The following RABGGTA variants were observed in gnomAD, a reference collection of about 807,000 sequenced individuals.
RABGGTA encodes geranylgeranyl transferase type-2 subunit alpha.
In RABGGTA, 69 loss-of-function variants were observed where a neutral mutation model predicts 83.3. The observed-to-expected ratio is 0.83, with a 90% CI of 0.68 to 1.01. The LOEUF is 1.01. Among genes scored for constraint, RABGGTA ranks in the 50% least tolerant of loss-of-function variants. The pLI, the probability that RABGGTA is intolerant of heterozygous loss-of-function variation, is 0.00. For synonymous variants in RABGGTA, 310 were observed against 299.8 expected, an observed-to-expected ratio of 1.03 and a Z score of -0.35; for missense variants, 681 against 712.7, an observed-to-expected ratio of 0.96 and a Z score of 0.51.
chr14:24,268,051 C>G (rs1481458497), intron 12 of RABGGTA, 59 bp downstream of exon 12: 1 of 1,606,490 alleles, frequency 6.2e-7, no homozygotes, highest in Non-Finnish European at 8.5e-7. Flanking sequence ...CAGGGCCACA[C>G]TGGAAAGGGG....
chr14:24,265,754 T>C lies in RABGGTA; in HGVS notation c.1565A>G (p.Gln522Arg), dbSNP rs1338504515. The C allele has an allele frequency of 1.2e-6, 2 of 1,608,548 alleles. No homozygotes were observed. The highest frequency in any genetic ancestry group is 8.5e-7 in the Non-Finnish European group (1 of 1,177,716). Residue 522 changes from glutamine (Q) to arginine (R), a missense_variant, in exon 17 of 17, where the codon CAG becomes CGG. Around this residue, in one of 5 missense-constraint regions of RABGGTA, gnomAD observed 421 missense variants for 418.5 expected, o/e 1.01. Coordinates refer to ENST00000216840, the MANE Select transcript of RABGGTA (RefSeq NM_182836.3). ...GGCAAGAGGCTGGAGCACTGCAGGC[T>C]GCTGGAGGCCTTGTTCAGGAGAGTC... ...ELLLCNNRLQ[Q>R]PAVLQPLASC...
rs992089285 is a variant in RABGGTA, at chr14:24,270,268, C to T, written c.239+66G>A. On this transcript the variant is annotated intron_variant, in intron 4 of 16. Transcript: ENST00000216840. The stretch of plus-strand genomic sequence containing the variant: ...ACTGGCTGCCCCATTTCTCCTCCAC[C>T]CCTAGACCCAGGCAGTGCAGGCGCA... 5 of 1,594,016 alleles carry T rather than the reference C, an allele frequency of 3.1e-6. No homozygotes were observed. In the African/African-American group the frequency reaches 4.0e-5, roughly 13 times the overall value.
Position 24,271,094 on chromosome 14 carries a change from C to T in RABGGTA, c.3+19G>A. On this transcript the variant is annotated intron_variant, in intron 2 of 16. Transcript: ENST00000216840. ...GGCGCGGGCCTGCGGAGGTGAAGGG[C>T]TGGGCTCAGGGTTCTCACCATGGTG... 1 of 1,563,334 alleles carries T rather than the reference C, an allele frequency of 6.4e-7. No homozygotes were observed. The highest frequency in any genetic ancestry group is 8.7e-7 in the Non-Finnish European group (1 of 1,153,734).
Position 24,268,741 on chromosome 14 carries a change from C to G in RABGGTA, c.884G>C (p.Arg295Pro), listed in dbSNP as rs377451545. ...VEWRTPDGRN[R>P]PSHVWLCDLP... ...CTGGGATACCCAGACATGGCTGGGC[C>G]GGTTCCTGCCATCTGGGGTCCTCCA... is the stretch of plus-strand genomic sequence containing the variant. Residue 295 changes from arginine to proline, a missense_variant, in exon 9 of 17, where the codon CGG becomes CCG. This residue lies in a region of RABGGTA where 421 missense variants were observed against 418.5 expected (regional missense o/e 1.01). Coordinates refer to ENST00000216840, the MANE Select transcript of RABGGTA (RefSeq NM_182836.3). 6.3e-7 allele frequency: 1 copy of G among 1,590,812 alleles called. No individual in the cohort carries two copies.
chr14:24,266,945 G>A (rs2139037056), intron 14 of RABGGTA, 56 bp from the exon 15 acceptor site: 1 of 1,356,734 alleles, frequency 7.4e-7, no homozygotes, highest in Admixed American at 1.7e-5. Flanking sequence ...CTGGGAGAGG[G>A]TCCTCGGCCA....
Position 24,267,700 on chromosome 14 carries a change from A to C in RABGGTA, c.1313T>G (p.Met438Arg), listed in dbSNP as rs780931992. 2 of 1,611,988 alleles carry C rather than the reference A, an allele frequency of 1.2e-6. No homozygotes were observed. The highest frequency in any genetic ancestry group is 2.2e-5 in the South Asian group (2 of 90,996). Residue 438 changes from methionine (M) to arginine (R), a missense_variant, in exon 14 of 17, where the codon ATG becomes AGG. By Grantham distance (91) the Met-to-Arg change is moderately conservative. Transcript: ENST00000216840. ...CAGCACACGCACCTCGGCATACTCC[A>C]TCTTGAGCACGCTATTCTCCAGCAA... The part of the protein sequence containing the change: ...KFLLENSVLK[M>R]EYAEVRVLHL...
chr14:24,270,042 C>T lies in RABGGTA; in HGVS notation c.338G>A (p.Arg113Gln), dbSNP rs1247969880. The T allele has an allele frequency of 2.5e-6, 4 of 1,613,034 alleles. No individual in the cohort carries two copies. The highest frequency in any genetic ancestry group is 1.3e-5 in the African/African-American group (1 of 74,908). ...NPKSYGTWHH[R>Q]CWLLGRLPEP... ...AGGCAGGCGGCCTAGCAGCCAGCAT[C>T]GGTGGTGCCAGGTACCATAAGACTT... Residue 113 changes from arginine to glutamine, a missense_variant, in exon 5 of 17, where the codon CGA (arginine) becomes CAA (glutamine). Around this residue, in one of 5 missense-constraint regions of RABGGTA, gnomAD observed 12 missense variants for 32.0 expected, o/e 0.37. Coordinates refer to ENST00000216840, the MANE Select transcript of RABGGTA (RefSeq NM_182836.3).
Position 24,269,981 on chromosome 14 carries a change from G to A in RABGGTA, c.399C>T (p.Ala133=). The A allele has an allele frequency of 1.2e-6, 2 of 1,613,678 alleles. No homozygotes were observed. Among genetic ancestry groups the A allele is most frequent in the South Asian group, 1.1e-5 (1 of 91,026 alleles). ...PNWTRELELC[A]RFLEVDERNF... ...TCCGCTCATCCACCTCCAGGAAACG[G>A]GCACAGAGCTCCAGCTCTCGGGTCC... is the stretch of plus-strand genomic sequence containing the variant. Residue 133 remains alanine, a synonymous_variant, in exon 5 of 17, where the codon GCC becomes GCT. Coordinates refer to ENST00000216840, the MANE Select transcript of RABGGTA (RefSeq NM_182836.3).
In RABGGTA at chr14:24,267,715, T is replaced by C. The variant is rs2040891168; in HGVS notation, c.1298A>G (p.Asn433Ser). The change falls in exon 14 of 17, where the codon AAT becomes AGT. Residue 433 changes from asparagine (N) to serine (S), a missense_variant. Around this residue, in one of 5 missense-constraint regions of RABGGTA, gnomAD observed 421 missense variants for 418.5 expected, o/e 1.01. Coordinates refer to ENST00000216840, the MANE Select transcript of RABGGTA (RefSeq NM_182836.3). ...GGCATACTCCATCTTGAGCACGCTA[T>C]TCTCCAGCAAGAACTTGCTGCGCAG... ...DDLRSKFLLENSVLKMEYAEV... is the reference protein window; with the variant it reads ...DDLRSKFLLESSVLKMEYAEV... 6.2e-7 allele frequency: 1 copy of C among 1,612,058 alleles called. No individual in the cohort carries two copies. The highest frequency in any genetic ancestry group is 8.5e-7 in the Non-Finnish European group (1 of 1,179,834).
In RABGGTA at chr14:24,266,838, CA is replaced by C. The variant is rs1393325780; in HGVS notation, c.1404del (p.Asp469ThrfsTer30). 1 of 1,613,920 alleles carries C rather than the reference CA, an allele frequency of 6.2e-7. No homozygotes were observed. Among genetic ancestry groups the C allele is most frequent in the Admixed American group, 1.7e-5 (1 of 60,024 alleles). On this transcript the variant is annotated frameshift_variant, in exon 15 of 17. Coordinates refer to ENST00000216840, the MANE Select transcript of RABGGTA (RefSeq NM_182836.3). LOFTEE classifies it high-confidence loss of function. ...GTTCGGAGGCGATTGTGTGACAAGT[CA>C]AGATGGGTGACCAAGAGCAGCTGTT... Reference protein sequence around the residue: ...HLEQLLLVTHLDLSHNRLRTL... With the variant: ...HLEQLLLVTHXDLSHNRLRTL...
rs749392479 is a variant in RABGGTA, at chr14:24,266,891, T to TG, written c.1354-3dup. The TG allele has an allele frequency of 2.5e-6, 4 of 1,610,970 alleles. No homozygotes were observed. Among genetic ancestry groups the TG allele is most frequent in the Non-Finnish European group, 3.4e-6 (4 of 1,177,460 alleles). On this transcript the variant is annotated splice_region_variant and splice_polypyrimidine_tract_variant and intron_variant, in intron 14 of 16. Transcript: ENST00000216840. ...CAGATGGCAGAGCACTGTCAGATCCTGGGGGGTGAAGGGAGGAAGGAGGTG... is the reference window on the plus strand; with the variant it reads ...CAGATGGCAGAGCACTGTCAGATCCTGGGGGGGTGAAGGGAGGAAGGAGGTG...
chr14:24,268,198 C>T lies in RABGGTA; in HGVS notation c.1059G>A (p.Arg353=). 6.2e-7 allele frequency: 1 copy of T among 1,610,118 alleles called. No homozygotes were observed. Among genetic ancestry groups the T allele is most frequent in the Non-Finnish European group, 8.5e-7 (1 of 1,177,208 alleles). Reference sequence around the variant, plus strand: ...TGGACTTCTCCACTGACAGCTCACACCTGAGGGTGGGCAGGGTGGGGAGGA... The same window carrying T: ...TGGACTTCTCCACTGACAGCTCACATCTGAGGGTGGGCAGGGTGGGGAGGA... ...RDSTTDEQLF[R]CELSVEKSTV... The change falls in exon 12 of 17, where the codon AGG becomes AGA. Residue 353 remains arginine, a splice_region_variant and synonymous_variant. Coordinates refer to ENST00000216840, the MANE Select transcript of RABGGTA (RefSeq NM_182836.3).
chr14:24,266,137 G>A (rs2040870426), intron 16 of RABGGTA, among the ~76,000 whole-genome samples: 1 of 152,208 alleles, frequency 6.6e-6, no homozygotes, highest in African/African-American at 2.4e-5. Context: ...AACTCTAGAT[G>A]TTTTTTAAAG....
In RABGGTA at chr14:24,268,160, G is replaced by T. The variant is rs984593427; in HGVS notation, c.1097C>A (p.Ser366Tyr). 2.6e-6 allele frequency: 4 copies of T among 1,557,362 alleles called. No homozygotes were observed. The highest frequency in any genetic ancestry group is 3.5e-6 in the Non-Finnish European group (4 of 1,145,894). The part of the protein sequence containing the change: ...LSVEKSTVLQ[S>Y]ELESCKELQE... ...CAGCTCCTTACAGGATTCCAGCTCA[G>T]ACTGCAGCACTGTGGACTTCTCCAC... is the stretch of plus-strand genomic sequence containing the variant. The change falls in exon 12 of 17, where the codon TCT becomes TAT. Residue 366 changes from serine (S) to tyrosine (Y), a missense_variant. Around this residue, in one of 5 missense-constraint regions of RABGGTA, gnomAD observed 421 missense variants for 418.5 expected, o/e 1.01. Coordinates refer to ENST00000216840, the MANE Select transcript of RABGGTA (RefSeq NM_182836.3).
chr14:24,265,652 G>T lies in RABGGTA; in HGVS notation c.1667C>A (p.Ala556Asp). 1.2e-6 allele frequency: 2 copies of T among 1,613,770 alleles called. No individual in the cohort carries two copies. Among genetic ancestry groups the T allele is most frequent in the East Asian group, 4.5e-5 (2 of 44,874 alleles). ...CQAVGILEQL[A>D]ELLPSVSSVL... ...GCTGCTAACTGAAGGCAGCAGTTCA[G>T]CCAGTTGCTCCAAGATGCCCACCGC... The change falls in exon 17 of 17, where the codon GCT becomes GAT. Residue 556 changes from alanine (A) to aspartate (D), a missense_variant. Coordinates refer to ENST00000216840, the MANE Select transcript of RABGGTA (RefSeq NM_182836.3).
In RABGGTA at chr14:24,270,354, G is replaced by C. The variant is rs1203814707; in HGVS notation, c.219C>G (p.Leu73=). ...ATLWNCRREV[L]QQLETQKSPE... ...CGCACTTCTGAGTCTCCAGCTGCTG[G>C]AGCACCTCTCGTCGGCAGTTCCAGA... The change falls in exon 4 of 17, where the codon CTC becomes CTG. Residue 73 remains leucine, a synonymous_variant. Coordinates refer to ENST00000216840, the MANE Select transcript of RABGGTA (RefSeq NM_182836.3). 6.2e-7 allele frequency: 1 copy of C among 1,609,232 alleles called. No homozygotes were observed. Among genetic ancestry groups the C allele is most frequent in the East Asian group, 2.2e-5 (1 of 44,522 alleles).
At position 24,270,384 on chromosome 14, in the gene RABGGTA, G is replaced by A; in HGVS notation, c.189C>T (p.Ala63=). The A allele has an allele frequency of 6.2e-7, 1 of 1,613,980 alleles. No individual in the cohort carries two copies. Among genetic ancestry groups the A allele is most frequent in the Non-Finnish European group, 8.5e-7 (1 of 1,179,878 alleles). ...CCTCTCGTCGGCAGTTCCAGAGGGT[G>A]GCAAAATCAGGGTTGGCTCCCAGAA... ...SQILGANPDF[A]TLWNCRREVL... Residue 63 remains alanine (A), a synonymous_variant, in exon 4 of 17, where the codon GCC becomes GCT. Coordinates refer to ENST00000216840, the MANE Select transcript of RABGGTA (RefSeq NM_182836.3).
rs201557885 is a variant in RABGGTA at position 24,269,178 on chromosome 14, G to A, written c.632-15C>T. 1.2e-5 allele frequency: 20 copies of A among 1,603,294 alleles called. No homozygotes were observed. The highest frequency in any genetic ancestry group is 1.6e-5 in the Non-Finnish European group (19 of 1,174,186). ...CAGCTCCAGCTCTGTGGGGTTCCAG[G>A]AGGCATGGGGCTGTGGTCAGGACAC... On this transcript the variant is annotated splice_polypyrimidine_tract_variant and intron_variant, in intron 6 of 16. Coordinates refer to ENST00000216840, the MANE Select transcript of RABGGTA (RefSeq NM_182836.3).
Position 24,268,519 on chromosome 14 carries a change from A to G in RABGGTA, c.1001T>C (p.Leu334Ser). The change falls in exon 10 of 17, where the codon TTA (leucine) becomes TCA (serine). Residue 334 changes from leucine (L) to serine (S), a missense_variant. By Grantham distance (145) the Leu-to-Ser change is moderately radical (BLOSUM62 -2). Transcript: ENST00000216840. ...AGDVQKECVL[L>S]KGRQEGWCRD... is the part of the protein sequence containing the mutation. ...GAGGCTGCAGGTTCCATCACCTTTTAAAAGCACGCATTCTTTCTGGACATC... is the reference window on the plus strand; with the variant it reads ...GAGGCTGCAGGTTCCATCACCTTTTGAAAGCACGCATTCTTTCTGGACATC... The G allele has an allele frequency of 6.2e-7, 1 of 1,613,944 alleles. No individual in the cohort carries two copies. The highest frequency in any genetic ancestry group is 8.5e-7 in the Non-Finnish European group (1 of 1,179,806).
Sources: gnomAD v4.1 joint callset for allele counts (sites outside exome capture counted in the v4.1 genomes callset) on GRCh38, gnomAD v4.1.1 for gene constraint, gnomAD v4.1.1 regional missense constraint, MANE v1.5 for transcripts, NCBI Gene and HGNC (gene_info 2026-07-23, HGNC 2026-07-21) for gene names.